The following PPP1R12C variants were observed in gnomAD, a reference collection of about 807,000 sequenced individuals.
The protein encoded by PPP1R12C is protein phosphatase 1 regulatory subunit 12C.
PPP1R12C carries 48 observed loss-of-function variants against 95.6 expected under a neutral mutation model. That is an observed-to-expected ratio of 0.50 (90% CI 0.40 to 0.64). PPP1R12C has a LOEUF of 0.64. Among genes scored for constraint, PPP1R12C ranks in the 30% least tolerant of loss-of-function variants. The pLI is 0.00. For synonymous variants in PPP1R12C, 480 were observed against 460.8 expected, an observed-to-expected ratio of 1.04 and a Z score of -0.53; for missense variants, 1,057 against 1,083.3, an observed-to-expected ratio of 0.98 and a Z score of 0.34.
rs556028464 is a variant in PPP1R12C at position 55,094,970 on chromosome 19, G to A, written c.1455-172C>T. On this transcript the variant is annotated intron_variant, in intron 11 of 21. Transcript: ENST00000263433. ...GAAAAGACCAGCACACTACGCAACC[G>A]GTCAGAAGGATAAAGGACTCTGGAC... 35 of 800,244 alleles carry A rather than the reference G, an allele frequency of 4.4e-5. 2 individuals carry two copies. The South Asian group carries it at 4.5e-4, about 10-fold the overall frequency. 49.6% of individuals were successfully genotyped at this position (800,244 alleles called of 1,614,324 possible). A position where few individuals can be genotyped will look rare whatever the true frequency, so the allele number is the denominator to read the frequency against.
At position 55,109,418 on chromosome 19, in the gene PPP1R12C, T is replaced by C. The variant is rs548751440; in HGVS notation, c.571+3049A>G. Among the ~76,000 whole-genome samples the C allele has an allele frequency of 2.2e-3, 337 of 152,336 alleles. 2 individuals are homozygous for C. Among genetic ancestry groups the C allele is most frequent in the African/African-American group, 7.9e-3 (330 of 41,588 alleles). Reference sequence around the variant, plus strand: ...AGGCCTCAAATGGCCTTTTCCGGCCTGAGCCAGGAGGAACGGGTTTTGGTT... The same window carrying C: ...AGGCCTCAAATGGCCTTTTCCGGCCCGAGCCAGGAGGAACGGGTTTTGGTT... On this transcript the variant is annotated intron_variant, in intron 3 of 21. Coordinates refer to ENST00000263433, the MANE Select transcript of PPP1R12C (RefSeq NM_017607.4). The surrounding 1 kb of genome is among the most constrained non-coding windows in gnomAD (Gnocchi z 4.4).
Position 55,091,089 on chromosome 19 carries a change from G to T in PPP1R12C, c.*383C>A. ...CCTGGCTGAGGCTGGCGGGACTCTT[G>T]GCACATTCTTGGATCCCTGCTCAGG... On this transcript the variant is annotated 3_prime_UTR_variant, in exon 22 of 22. Transcript: ENST00000263433. The T allele has an allele frequency of 3.6e-6, 1 of 277,572 alleles. No individual in the cohort carries two copies. Among genetic ancestry groups the T allele is most frequent in the Non-Finnish European group, 7.0e-6 (1 of 143,220 alleles). The allele number at this position is 277,572 out of a possible 1,614,324, so 17.2% of individuals were successfully genotyped here.
Position 55,095,364 on chromosome 19 carries a change from T to G in PPP1R12C, c.1387-6A>C, listed in dbSNP as rs1407181259. 1 of 1,588,046 alleles carries G rather than the reference T, an allele frequency of 6.3e-7. No homozygotes were observed. Among genetic ancestry groups the G allele is most frequent in the Admixed American group, 1.8e-5 (1 of 56,288 alleles). ...GCAAGACGGAGCTCCTTGGCCTGTG[T>G]GGAGAGGAGAAGGGGAGGAAGGGGC... On this transcript the variant is annotated splice_polypyrimidine_tract_variant and splice_region_variant and intron_variant, in intron 10 of 21. Transcript: ENST00000263433.
intron 4 of PPP1R12C, among the ~76,000 whole-genome samples, chr19:55,101,668 A>C (rs1382968448): frequency 1.3e-5 from 2 of 152,220 alleles, no homozygotes; most frequent in African/African-American, 4.8e-5. Flanking sequence ...TGGGAGGAAA[A>C]GGACACGGCC....
At position 55,095,387 on chromosome 19, in the gene PPP1R12C, G is replaced by A. The variant is rs533607015; in HGVS notation, c.1387-29C>T. On this transcript the variant is annotated intron_variant, in intron 10 of 21. Transcript: ENST00000263433. The stretch of plus-strand genomic sequence containing the variant: ...TGTGGAGAGGAGAAGGGGAGGAAGG[G>A]GCAGTTCCCTCGACTGGGCAGGGGC... 1.6e-4 allele frequency: 247 copies of A among 1,577,438 alleles called. No individual in the cohort carries two copies. In the Admixed American group the frequency reaches 4.5e-3, roughly 29 times the overall value.
At chr19:55,095,142 G>A (rs1422742731) in intron 11 of PPP1R12C, 149 bp downstream of exon 11, 2 of 913,594 alleles carry the variant, frequency 2.2e-6, no homozygotes, top group Non-Finnish European at 3.4e-6. Flanking sequence ...GGGAGGGAGA[G>A]AGCCCCCAAG....
chr19:55,093,272 AG>A (rs36185235), intron 13 of PPP1R12C, 39 bp from the exon 14 acceptor site: 3 of 1,586,056 alleles, frequency 1.9e-6, no homozygotes, highest in South Asian at 1.1e-5. Context: ...CGCTGGGGTC[AG>A]GGCCCAGCCC....
Position 55,094,483 on chromosome 19 carries a change from C to T in PPP1R12C, c.1593-48G>A, listed in dbSNP as rs766317220. On this transcript the variant is annotated intron_variant, in intron 12 of 21. Coordinates refer to ENST00000263433, the MANE Select transcript of PPP1R12C (RefSeq NM_017607.4). ...AGACAGGGAACCTGGGGACCCTGTC[C>T]CATTCCGTGGCTGACACCCTCCGCG... is the stretch of plus-strand genomic sequence containing the variant. 4.4e-6 allele frequency: 7 copies of T among 1,607,142 alleles called. No homozygotes were observed. In the Admixed American group the frequency reaches 1.2e-4, roughly 27 times the overall value.
At chr19:55,101,570 C>T (rs890858152) in intron 4 of PPP1R12C, among the ~76,000 whole-genome samples, 1 of 152,218 alleles carries the variant, frequency 6.6e-6, no homozygotes, top group East Asian at 1.9e-4. Flanking sequence ...GATGTTTGCT[C>T]CTTTGCCCCC....
Position 55,092,541 on chromosome 19 carries a change from G to T in PPP1R12C, c.1956C>A (p.Thr652=). The T allele has an allele frequency of 6.2e-7, 1 of 1,601,284 alleles. No individual in the cohort carries two copies. Among genetic ancestry groups the T allele is most frequent in the South Asian group, 1.1e-5 (1 of 89,536 alleles). Residue 652 remains threonine, a synonymous_variant, in exon 18 of 22, where the codon ACC becomes ACA. Coordinates refer to ENST00000263433, the MANE Select transcript of PPP1R12C (RefSeq NM_017607.4). ...EPADRSQESS[T]LEGGPSARRQ... Reference sequence around the variant, plus strand: ...TGCGGGCCGAGGGGCCGCCCTCCAGGGTGCTGGGGCAGGGGAGGAGCGCGC... The same window carrying T: ...TGCGGGCCGAGGGGCCGCCCTCCAGTGTGCTGGGGCAGGGGAGGAGCGCGC...
chr19:55,115,202 C>T (rs902897008), intron 1 of PPP1R12C: 2 of 152,244 alleles, frequency 1.3e-5, no homozygotes, highest in African/African-American at 4.8e-5. Context: ...CTAGGACGCA[C>T]CATTCTCACA....
Position 55,092,524 on chromosome 19 carries a change from G to T in PPP1R12C, c.1973C>A (p.Ser658Ter). The change falls in exon 18 of 22, where the codon TCG becomes TAG. Residue 658 changes from serine (S) to a stop codon, truncating the protein, a stop_gained. Coordinates refer to ENST00000263433, the MANE Select transcript of PPP1R12C (RefSeq NM_017607.4). LOFTEE classifies it high-confidence loss of function. ...CCGCTGCCACCGCTGCCTGCGGGCC[G>T]AGGGGCCGCCCTCCAGGGTGCTGGG... ...QESSTLEGGP[S>*]ARRQRWQRDL... is the part of the protein sequence containing the mutation. 1 of 1,606,686 alleles carries T rather than the reference G, an allele frequency of 6.2e-7. No homozygotes were observed. The highest frequency in any genetic ancestry group is 2.2e-5 in the East Asian group (1 of 44,588).
chr19:55,111,265 A>G (rs1418360062), intron 3 of PPP1R12C: 5 of 152,146 alleles, frequency 3.3e-5, no homozygotes, highest in African/African-American at 9.7e-5. Flanking sequence ...TGAATAGACT[A>G]AAAAGCACTG....
At chr19:55,094,496 G>C in intron 12 of PPP1R12C, 61 bp from the exon 13 acceptor site, 1 of 1,605,136 alleles carries the variant, frequency 6.2e-7, no homozygotes, top group Non-Finnish European at 8.5e-7. Flanking sequence ...TTCCGTGGCT[G>C]ACACCCTCCG....
chr19:55,101,657 G>A (rs1201410495), intron 4 of PPP1R12C, among the ~76,000 whole-genome samples: 3 of 152,370 alleles, frequency 2.0e-5, no homozygotes, highest in East Asian at 1.9e-4. Context: ...GGTGGAAGCC[G>A]TGGGAGGAAA....
At chr19:55,096,813 TCCCCGCGCAG>T (rs2084919175) in intron 6 of PPP1R12C, 1 of 171,452 alleles carries the variant, frequency 5.8e-6, no homozygotes, top group Non-Finnish European at 1.1e-5. Context: ...CTTCACCCCT[TCCCCGCGCAG>T]TTCACCACCG....
intron 6 of PPP1R12C, among the ~76,000 whole-genome samples, chr19:55,097,618 G>C (rs1193615630): frequency 4.0e-5 from 2 of 50,458 alleles, no homozygotes; most frequent in African/African-American, 7.1e-5. Flanking sequence ...CCCCTTCCCC[G>C]CGCAGTTCAC....
At chr19:55,095,172 TG>T in intron 11 of PPP1R12C, 118 bp downstream of exon 11, 1 of 1,153,688 alleles carries the variant, frequency 8.7e-7, no homozygotes. Flanking sequence ...GCACAGGCTC[TG>T]GAGTGGCGGC....
chr19:55,093,021 T>C lies in PPP1R12C; in HGVS notation c.1820A>G (p.Gln607Arg). ...TCCCCGAGAGCAGACCTCACCTCTC[T>C]GGGCAGGGCTGTCAGAGTTCTCCAC... is the stretch of plus-strand genomic sequence containing the variant. Reference protein sequence around the residue: ...PGVENSDSPAQRAEAPDGQGP... With the variant: ...PGVENSDSPARRAEAPDGQGP... The change falls in exon 15 of 22, where the codon CAG (glutamine) becomes CGG (arginine). Residue 607 changes from glutamine to arginine, a missense_variant. Around this residue, in one of 5 missense-constraint regions of PPP1R12C, gnomAD observed 347 missense variants for 307.9 expected, o/e 1.13. Coordinates refer to ENST00000263433, the MANE Select transcript of PPP1R12C (RefSeq NM_017607.4). 1 of 1,579,184 alleles carries C rather than the reference T, an allele frequency of 6.3e-7. No homozygotes were observed. The highest frequency in any genetic ancestry group is 8.6e-7 in the Non-Finnish European group (1 of 1,161,360).
Sources: gnomAD v4.1 joint callset for allele counts (sites outside exome capture counted in the v4.1 genomes callset) on GRCh38, gnomAD v4.1.1 for gene constraint, gnomAD v4.1.1 regional missense constraint, Gnocchi (gnomAD v3.1) non-coding constraint, MANE v1.5 for transcripts, NCBI Gene and HGNC (gene_info 2026-07-23, HGNC 2026-07-21) for gene names.